The following CNTNAP5 variants were observed in gnomAD, a reference collection of about 807,000 sequenced individuals.
The protein encoded by CNTNAP5 is contactin associated protein family member 5.
CNTNAP5 carries 72 observed loss-of-function variants against 150.2 expected under a neutral mutation model. The ratio of observed to expected loss-of-function variants is 0.48; its 90% CI spans 0.40 to 0.58. The LOEUF (loss-of-function observed/expected upper bound fraction) is 0.58, where lower values mean the gene tolerates loss of function less well. CNTNAP5 is among the 20% of genes least tolerant of loss of function. The pLI is 0.00. For missense variants in CNTNAP5, 1,636 were observed against 1,626.2 expected (o/e 1.01, Z -0.10); for synonymous variants, 672 against 619.8 (o/e 1.08, Z -1.25).
At chr2:124,609,412 G>A (rs2104983587) in intron 11 of CNTNAP5, among the ~76,000 whole-genome samples, 1 of 152,202 alleles carries the variant, frequency 6.6e-6, no homozygotes. Flanking sequence ...AACAGAGTGA[G>A]ACCCCATCTC....
At chr2:124,711,555 A>G (rs570177368) in intron 13 of CNTNAP5, among the ~76,000 whole-genome samples, 115 of 152,312 alleles carry the variant, frequency 7.6e-4, no homozygotes, top group African/African-American at 2.6e-3. Flanking sequence ...CTTAAGCGAT[A>G]TGGATATTTA....
At chr2:124,816,183 A>G (rs1036648803) in intron 19 of CNTNAP5, among the ~76,000 whole-genome samples, 1 of 152,184 alleles carries the variant, frequency 6.6e-6, no homozygotes, top group East Asian at 1.9e-4. Flanking sequence ...TTAGAAGAGC[A>G]AACGTTTCTT....
At chr2:124,803,002 C>T (rs1159702280) in intron 19 of CNTNAP5, among the ~76,000 whole-genome samples, 1 of 151,678 alleles carries the variant, frequency 6.6e-6, no homozygotes, top group Non-Finnish European at 1.5e-5. Context: ...TTAGTCCCAG[C>T]TACTCGGGAG....
At chr2:124,456,401 G>A (rs1210944108) in intron 6 of CNTNAP5, among the ~76,000 whole-genome samples, 2 of 152,146 alleles carry the variant, frequency 1.3e-5, no homozygotes, top group East Asian at 3.9e-4. Context: ...ACAAAACACT[G>A]CTGAAAGAAA....
At chr2:124,581,769 G>A (rs758845243) in intron 11 of CNTNAP5, among the ~76,000 whole-genome samples, 1 of 152,280 alleles carries the variant, frequency 6.6e-6, no homozygotes, top group Middle Eastern at 3.4e-3. Flanking sequence ...GGTGAAGCCC[G>A]TTGAGATCCC....
chr2:124,834,661 T>C (rs1682791829), intron 19 of CNTNAP5, among the ~76,000 whole-genome samples: 1 of 151,952 alleles, frequency 6.6e-6, no homozygotes, highest in Admixed American at 6.6e-5. Flanking sequence ...TCTAGGCAAA[T>C]CATACTAAGG....
chr2:124,362,658 A>G (rs1405813391), intron 3 of CNTNAP5, among the ~76,000 whole-genome samples: 1 of 152,176 alleles, frequency 6.6e-6, no homozygotes, highest in East Asian at 1.9e-4. Flanking sequence ...TACTGCCTGG[A>G]TAACTCTCCC....
intron 19 of CNTNAP5, among the ~76,000 whole-genome samples, chr2:124,813,385 T>C (rs1682281594): frequency 6.8e-6 from 1 of 148,042 alleles, no homozygotes; most frequent in South Asian, 2.1e-4. Flanking sequence ...CCTGTTTTTT[T>C]TTTCTTTTTT....
chr2:124,153,882 G>C lies in CNTNAP5; in HGVS notation c.83-67823G>C, dbSNP rs528519828. On this transcript the variant is annotated intron_variant, in intron 1 of 23. Transcript: ENST00000682447. ...CCCGCCTCGGCCTCCAAAAGTGCTG[G>C]GATTAGAGGTGTGAGCCACTAAGCC... Among the ~76,000 whole-genome samples, 503 of 151,818 alleles carry C rather than the reference G, an allele frequency of 3.3e-3. 4 individuals carry two copies. Among genetic ancestry groups the C allele is most frequent in the Admixed American group, 9.6e-3 (146 of 15,230 alleles).
At chr2:124,318,238 C>G (rs995769109) in intron 3 of CNTNAP5, among the ~76,000 whole-genome samples, 5 of 152,214 alleles carry the variant, frequency 3.3e-5, no homozygotes, top group African/African-American at 1.2e-4. Flanking sequence ...GCAAGTCACG[C>G]AGGCCTCTTT....
At chr2:124,226,389 A>G (rs1479900209) in intron 2 of CNTNAP5, among the ~76,000 whole-genome samples, 2 of 152,164 alleles carry the variant, frequency 1.3e-5, no homozygotes, top group East Asian at 3.9e-4. Flanking sequence ...CCTGTTGGCC[A>G]TTTGTATGCC....
chr2:124,669,456 C>T (rs1227268054), intron 13 of CNTNAP5, among the ~76,000 whole-genome samples: 1 of 152,208 alleles, frequency 6.6e-6, no homozygotes, highest in Non-Finnish European at 1.5e-5. Flanking sequence ...TGTTTGTTGG[C>T]TCCTTCCACG....
chr2:124,649,948 G>T (rs765142994), intron 13 of CNTNAP5, among the ~76,000 whole-genome samples: 2 of 152,162 alleles, frequency 1.3e-5, no homozygotes, highest in Non-Finnish European at 2.9e-5. Context: ...TTTTAACAAT[G>T]TAAATAGAAT....
intron 3 of CNTNAP5, among the ~76,000 whole-genome samples, chr2:124,368,814 A>C (rs1690443131): frequency 6.6e-6 from 1 of 152,146 alleles, no homozygotes; most frequent in African/African-American, 2.4e-5. Flanking sequence ...AAGAACAAAA[A>C]ATATTTATTT....
At chr2:124,429,453 G>C (rs554113169) in intron 4 of CNTNAP5, among the ~76,000 whole-genome samples, 1 of 152,298 alleles carries the variant, frequency 6.6e-6, no homozygotes, top group South Asian at 2.1e-4. Flanking sequence ...CTCAATACTA[G>C]TGTCTGGGAA....
intron 1 of CNTNAP5, among the ~76,000 whole-genome samples, chr2:124,070,392 T>TG (rs34145420): frequency 0.093 from 5,654 of 60,770 alleles, 194 homozygotes; most frequent in Non-Finnish European, 0.13. Flanking sequence ...AGTGGCTGAA[T>TG]GGGGAAAAAA....
At chr2:124,392,359 A>C (rs2104749612) in intron 3 of CNTNAP5, among the ~76,000 whole-genome samples, 1 of 152,284 alleles carries the variant, frequency 6.6e-6, no homozygotes, top group South Asian at 2.1e-4. Flanking sequence ...AAAACTGTTA[A>C]AAGATTACTA....
chr2:124,795,264 T>C (rs1157966108), intron 18 of CNTNAP5, among the ~76,000 whole-genome samples: 2 of 150,938 alleles, frequency 1.3e-5, no homozygotes, highest in Non-Finnish European at 3.0e-5. Flanking sequence ...GATTCAGGTT[T>C]TATCTCCAAG....
chr2:124,762,478 C>A (rs1018362737), intron 14 of CNTNAP5, among the ~76,000 whole-genome samples: 15 of 152,126 alleles, frequency 9.9e-5, no homozygotes, highest in Admixed American at 4.6e-4. Context: ...AGTTCAGGAA[C>A]AAAGATTAGA....
Sources: gnomAD v4.1 joint callset for allele counts (sites outside exome capture counted in the v4.1 genomes callset) on GRCh38, gnomAD v4.1.1 for gene constraint, MANE v1.5 for transcripts, NCBI Gene and HGNC (gene_info 2026-07-23, HGNC 2026-07-21) for gene names.